SSH2: variants seen among roughly 807,000 people sequenced by gnomAD.
SSH2 encodes the protein slingshot protein phosphatase 2, also known as protein phosphatase Slingshot homolog 2.
SSH2 carries 37 observed loss-of-function variants against 135.2 expected under a neutral mutation model. The observed-to-expected ratio is 0.27, with a 90% CI of 0.21 to 0.36. The LOEUF (loss-of-function observed/expected upper bound fraction) is 0.36. Among genes scored for constraint, SSH2 ranks in the 10% least tolerant of loss-of-function variants. The pLI is 1.00. For missense variants in SSH2, 1,408 were observed against 1,765.3 expected (o/e 0.80, Z 3.63); for synonymous variants, 628 against 646.2 (o/e 0.97, Z 0.43).
At chr17:29,652,414 G>C (rs958329100) in intron 12 of SSH2, among the ~76,000 whole-genome samples, 4 of 152,128 alleles carry the variant, frequency 2.6e-5, no homozygotes, top group African/African-American at 9.7e-5. Context: ...GGTGATTCCT[G>C]AAGGGTACAG....
intron 3 of SSH2, among the ~76,000 whole-genome samples, chr17:29,737,986 G>A (rs1026554465): frequency 6.6e-6 from 1 of 152,018 alleles, no homozygotes; most frequent in Non-Finnish European, 1.5e-5. Flanking sequence ...CAACGTGCAG[G>A]TTACATATGT....
intron 3 of SSH2, among the ~76,000 whole-genome samples, chr17:29,736,375 G>A (rs2040363385): frequency 6.6e-6 from 1 of 152,204 alleles, no homozygotes; most frequent in African/African-American, 2.4e-5. Flanking sequence ...AAGATCTTAT[G>A]CAGAAAGTGA....
intron 6 of SSH2, among the ~76,000 whole-genome samples, chr17:29,682,398 C>T (rs200881914): frequency 2.0e-5 from 3 of 152,142 alleles, no homozygotes; most frequent in African/African-American, 4.8e-5. Flanking sequence ...CTGTCTAATA[C>T]GATAGCCACT....
At chr17:29,758,977 T>G (rs1200520266) in intron 3 of SSH2, among the ~76,000 whole-genome samples, 1 of 152,142 alleles carries the variant, frequency 6.6e-6, no homozygotes, top group Non-Finnish European at 1.5e-5. Flanking sequence ...CTTGAACTCC[T>G]GGCCTCAAGT....
chr17:29,847,987 C>T (rs1349406675), intron 2 of SSH2, among the ~76,000 whole-genome samples: 1 of 152,174 alleles, frequency 6.6e-6, no homozygotes, highest in Admixed American at 6.5e-5. Flanking sequence ...GGTACACTAT[C>T]TATGAGTTAG....
At chr17:29,775,629 C>G (rs1171248164) in intron 3 of SSH2, 1 of 152,034 alleles carries the variant, frequency 6.6e-6, no homozygotes, top group African/African-American at 2.4e-5. Context: ...AAAGAAAGTC[C>G]TCTCCTGATC....
At chr17:29,838,691 G>C (rs1431122457) in intron 2 of SSH2, among the ~76,000 whole-genome samples, 1 of 152,026 alleles carries the variant, frequency 6.6e-6, no homozygotes, top group Non-Finnish European at 1.5e-5. Context: ...TAGCAGAGAG[G>C]GGCCACCCTC....
At chr17:29,707,659 G>T (rs2039261860) in intron 3 of SSH2, among the ~76,000 whole-genome samples, 1 of 151,868 alleles carries the variant, frequency 6.6e-6, no homozygotes, top group African/African-American at 2.4e-5. Context: ...GCGAACAGCT[G>T]GGACTATGGG....
At chr17:29,812,819 A>T (rs769534724) in intron 2 of SSH2, among the ~76,000 whole-genome samples, 21 of 150,766 alleles carry the variant, frequency 1.4e-4, no homozygotes, top group Non-Finnish European at 2.8e-4. Context: ...GAACCAGGAG[A>T]CGGAGCTTGC....
intron 3 of SSH2, among the ~76,000 whole-genome samples, chr17:29,770,092 G>GTTTTTTTGT (rs1567963018): frequency 1.4e-5 from 1 of 72,924 alleles, no homozygotes; most frequent in African/African-American, 4.7e-5. Flanking sequence ...GCTATATTTA[G>GTTTTTTTGT]TTTTTTTTTT....
intron 1 of SSH2, 106 bp downstream of exon 1, chr17:29,929,832 T>A: frequency 9.1e-7 from 1 of 1,103,196 alleles, no homozygotes; most frequent in Non-Finnish European, 1.3e-6. Context: ...TGCCAAGGCC[T>A]GGGAAGCGGC....
intron 3 of SSH2, among the ~76,000 whole-genome samples, chr17:29,788,514 G>T (rs952059897): frequency 6.6e-6 from 1 of 151,886 alleles, no homozygotes; most frequent in Non-Finnish European, 1.5e-5. Flanking sequence ...CAGATCTTGG[G>T]ACTTCTCAGC....
At chr17:29,657,290 C>T (rs1053215480) in intron 11 of SSH2, among the ~76,000 whole-genome samples, 9 of 144,068 alleles carry the variant, frequency 6.2e-5, no homozygotes, top group African/African-American at 1.6e-4. Context: ...CTTTTTGAGA[C>T]GGGAGTTTCA....
At chr17:29,908,922 A>C (rs2066711517) in intron 1 of SSH2, among the ~76,000 whole-genome samples, 1 of 151,420 alleles carries the variant, frequency 6.6e-6, no homozygotes, top group Non-Finnish European at 1.5e-5. Flanking sequence ...ACTAAAAATA[A>C]AAAAATTACC....
At chr17:29,658,505 T>C (rs2036884849) in intron 11 of SSH2, among the ~76,000 whole-genome samples, 1 of 152,196 alleles carries the variant, frequency 6.6e-6, no homozygotes, top group South Asian at 2.1e-4. Context: ...GTGCTTTTTC[T>C]ATTCTTTCCC....
chr17:29,664,630 A>G (rs2037196823), intron 11 of SSH2, among the ~76,000 whole-genome samples: 1 of 152,050 alleles, frequency 6.6e-6, no homozygotes, highest in South Asian at 2.1e-4. Context: ...AAGTGCTGGG[A>G]TTATAGGTGT....
In SSH2 at chr17:29,677,703, C is replaced by T; in HGVS notation, c.518G>A (p.Ser173Asn). The change falls in exon 7 of 16, where the codon AGC becomes AAC. Residue 173 changes from serine to asparagine, a missense_variant. By Grantham distance (46) the Ser-to-Asn change is conservative (BLOSUM62 1). Coordinates refer to ENST00000540801, the MANE Select transcript of SSH2 (RefSeq NM_001282129.2). ...ACCATCCAAATGAATTAGCGTGTCG[C>T]TCCAGAGAGGCAAAACTAAGCCCAT... ...CTMGLVLPLW[S>N]DTLIHLDGDG... 1 of 1,614,110 alleles carries T rather than the reference C, an allele frequency of 6.2e-7. No homozygotes were observed. Among genetic ancestry groups the T allele is most frequent in the Non-Finnish European group, 8.5e-7 (1 of 1,179,994 alleles).
At position 29,631,484 on chromosome 17, in the gene SSH2, C is replaced by T; in HGVS notation, c.3710G>A (p.Cys1237Tyr). ...ACTACTAGAGCTATGTGGGAGTCGACAGGCTACAGGCAATGGGTCCATTTT... is the reference window on the plus strand; with the variant it reads ...ACTACTAGAGCTATGTGGGAGTCGATAGGCTACAGGCAATGGGTCCATTTT... ...QEKMDPLPVA[C>Y]RLPHSSSSEN... The change falls in exon 16 of 16, where the codon TGT (cysteine) becomes TAT (tyrosine). Residue 1237 changes from cysteine (C) to tyrosine (Y), a missense_variant. Cys to Tyr is a radical substitution (Grantham distance 194). Coordinates refer to ENST00000540801, the MANE Select transcript of SSH2 (RefSeq NM_001282129.2). 2.5e-6 allele frequency: 4 copies of T among 1,614,164 alleles called. No homozygotes were observed. The highest frequency in any genetic ancestry group is 3.4e-6 in the Non-Finnish European group (4 of 1,180,022).
At chr17:29,712,542 G>A (rs2039472929) in intron 3 of SSH2, among the ~76,000 whole-genome samples, 1 of 152,170 alleles carries the variant, frequency 6.6e-6, no homozygotes, top group South Asian at 2.1e-4. Context: ...GGTGGCTCAC[G>A]CCTGTAATCT....
Sources: gnomAD v4.1 joint callset for allele counts (sites outside exome capture counted in the v4.1 genomes callset) on GRCh38, gnomAD v4.1.1 for gene constraint, MANE v1.5 for transcripts, NCBI Gene and HGNC (gene_info 2026-07-23, HGNC 2026-07-21) for gene names.